The following TTC23 variants were observed in gnomAD, a reference collection of about 807,000 sequenced individuals.
TTC23 encodes tetratricopeptide repeat protein 23.
TTC23 carries 58 observed loss-of-function variants against 55.1 expected under a neutral mutation model. The ratio of observed to expected loss-of-function variants is 1.05; its 90% confidence interval spans 0.85 to 1.31. TTC23 has a LOEUF of 1.31. TTC23 is among the 50% of genes most tolerant of loss of function. TTC23 has a pLI of 0.00. For synonymous variants in TTC23, 203 were observed against 199.9 expected (o/e 1.02, Z -0.13); for missense variants, 516 against 534.4 (o/e 0.97, Z 0.34).
chr15:99,206,756 A>C (rs1039529927), intron 8 of TTC23, among the ~76,000 whole-genome samples: 3 of 152,138 alleles, frequency 2.0e-5, no homozygotes, highest in Admixed American at 6.5e-5. Flanking sequence ...TTCAAAAAAC[A>C]AACTTTTTGT....
At chr15:99,223,735 C>G (rs1030849007) in intron 5 of TTC23, among the ~76,000 whole-genome samples, 3 of 152,174 alleles carry the variant, frequency 2.0e-5, no homozygotes, top group Non-Finnish European at 2.9e-5. Flanking sequence ...TTCTCCAGAC[C>G]CTTCAAGACC....
At chr15:99,140,909 A>T (rs1366047023) in intron 12 of TTC23, 1 of 152,192 alleles carries the variant, frequency 6.6e-6, no homozygotes, top group African/African-American at 2.4e-5. Context: ...GAAATACCAA[A>T]CCAAACCAAA....
At chr15:99,138,376 C>T (rs1410582227) in intron 13 of TTC23, among the ~76,000 whole-genome samples, 2 of 151,934 alleles carry the variant, frequency 1.3e-5, no homozygotes, top group African/African-American at 4.8e-5. Flanking sequence ...TGCAGTGGCC[C>T]CATCTCGGCT....
At chr15:99,190,787 TA>T (rs1051594892) in intron 9 of TTC23, among the ~76,000 whole-genome samples, 2 of 152,120 alleles carry the variant, frequency 1.3e-5, no homozygotes. Context: ...TATGTCTTTT[TA>T]TTTTTTTTTG....
chr15:99,141,884 C>T (rs2068267744), intron 12 of TTC23, among the ~76,000 whole-genome samples: 1 of 152,098 alleles, frequency 6.6e-6, no homozygotes, highest in South Asian at 2.1e-4. Flanking sequence ...AAGAAATATA[C>T]AATATCAAGA....
chr15:99,221,645 T>A, intron 6 of TTC23, 96 bp downstream of exon 6: 1 of 1,498,268 alleles, frequency 6.7e-7, no homozygotes, highest in Non-Finnish European at 9.0e-7. Flanking sequence ...AGGAGAATAT[T>A]AAAAAACCTG....
chr15:99,168,970 C>T (rs182559243), intron 10 of TTC23, among the ~76,000 whole-genome samples: 32 of 152,202 alleles, frequency 2.1e-4, no homozygotes, highest in African/African-American at 7.7e-4. Flanking sequence ...GCTGAGTGAC[C>T]CTGGACCCTA....
chr15:99,148,910 C>T (rs2069329501), intron 12 of TTC23, among the ~76,000 whole-genome samples: 1 of 152,182 alleles, frequency 6.6e-6, no homozygotes, highest in Non-Finnish European at 1.5e-5. Context: ...GTGTGTGTGC[C>T]TTGTTTCCCA....
At chr15:99,186,478 A>C (rs970528521) in intron 9 of TTC23, among the ~76,000 whole-genome samples, 9 of 152,216 alleles carry the variant, frequency 5.9e-5, no homozygotes, top group Non-Finnish European at 1.3e-4. Context: ...TATTATAAAA[A>C]TGAGTGAATT....
chr15:99,184,652 G>C (rs1293902826), intron 9 of TTC23, among the ~76,000 whole-genome samples: 1 of 152,156 alleles, frequency 6.6e-6, no homozygotes, highest in Non-Finnish European at 1.5e-5. Context: ...TGATTTTACA[G>C]GCTCATAGGT....
In TTC23 at chr15:99,191,904, T is replaced by C. The variant is rs543002540; in HGVS notation, c.759+8015A>G. On this transcript the variant is annotated intron_variant, in intron 9 of 13. Coordinates refer to ENST00000394132, the MANE Select transcript of TTC23 (RefSeq NM_001288615.3). ...TGAATGGCTTTGACCAAAAGCCTGA[T>C]AGTGATATGGACAATACAGTCCAGG... Among the ~76,000 whole-genome samples the C allele has an allele frequency of 5.9e-5, 9 of 152,280 alleles. No homozygotes were observed. In the South Asian group the frequency reaches 1.0e-3, roughly 18 times the overall value.
intron 9 of TTC23, among the ~76,000 whole-genome samples, chr15:99,185,739 T>A (rs1292601159): frequency 6.6e-6 from 1 of 152,146 alleles, no homozygotes; most frequent in Non-Finnish European, 1.5e-5. Flanking sequence ...TCAGAAACAA[T>A]CACATTTGCA....
chr15:99,177,226 A>AT (rs1483142788), intron 9 of TTC23, among the ~76,000 whole-genome samples: 1 of 152,216 alleles, frequency 6.6e-6, no homozygotes, highest in Non-Finnish European at 1.5e-5. Flanking sequence ...GCAGGTAATA[A>AT]TTTTTATTGC....
intron 10 of TTC23, among the ~76,000 whole-genome samples, chr15:99,165,024 G>A (rs939285744): frequency 6.6e-6 from 1 of 152,198 alleles, no homozygotes; most frequent in Non-Finnish European, 1.5e-5. Context: ...GAGGTATAAG[G>A]AGTAAACAGA....
intron 12 of TTC23, among the ~76,000 whole-genome samples, chr15:99,143,483 T>C (rs937922824): frequency 3.9e-5 from 6 of 152,198 alleles, no homozygotes; most frequent in Non-Finnish European, 8.8e-5. Flanking sequence ...TTCTCCACCA[T>C]AAATAAAGAT....
chr15:99,226,937 G>A (rs1388500804), intron 5 of TTC23, among the ~76,000 whole-genome samples: 1 of 152,156 alleles, frequency 6.6e-6, no homozygotes, highest in Non-Finnish European at 1.5e-5. Context: ...GTTCACCATT[G>A]TATGCTGGAT....
intron 1 of TTC23, among the ~76,000 whole-genome samples, chr15:99,247,097 C>A (rs1036398231): frequency 6.6e-6 from 1 of 152,130 alleles, no homozygotes; most frequent in Non-Finnish European, 1.5e-5. Context: ...CAGGAAAATG[C>A]AAATGAAAGC....
intron 6 of TTC23, 42 bp downstream of exon 6, chr15:99,221,698 AG>A (rs776516117): frequency 8.1e-6 from 13 of 1,611,276 alleles, no homozygotes; most frequent in Non-Finnish European, 1.1e-5. Context: ...GGAGAACAGC[AG>A]AAATCGACCA....
At chr15:99,204,553 C>T (rs561306409) in intron 8 of TTC23, among the ~76,000 whole-genome samples, 15 of 147,816 alleles carry the variant, frequency 1.0e-4, no homozygotes, top group Non-Finnish European at 1.6e-4. Flanking sequence ...CTTAAGAAAT[C>T]TTTGCCCAGA....
Sources: allele counts gnomAD v4.1 joint callset (sites outside exome capture counted in the v4.1 genomes callset), GRCh38; gene constraint gnomAD v4.1.1; transcripts MANE v1.5; gene names NCBI Gene and HGNC (gene_info 2026-07-23, HGNC 2026-07-21).